The following KANK1 variants were observed in gnomAD, a reference collection of about 807,000 sequenced individuals.
KANK1 encodes KN motif and ankyrin repeat domain-containing protein 1.
In KANK1, 109 loss-of-function variants were observed where a neutral mutation model predicts 106.2. The observed-to-expected ratio is 1.03, with a 90% CI of 0.88 to 1.20. The LOEUF is 1.20. KANK1 is among the 50% of genes most tolerant of loss of function. The pLI is 0.00. For missense variants in KANK1, 2,399 were observed against 1,710.7 expected (o/e 1.40, Z -7.10); for synonymous variants, 873 against 652.2 (o/e 1.34, Z -5.16).
Position 532,237 on chromosome 9 carries a change from C to CTT in KANK1, c.-84+27503_-84+27504dup, listed in dbSNP as rs34351693. Among the ~76,000 whole-genome samples, 67 of 107,758 alleles carry CTT rather than the reference C, an allele frequency of 6.2e-4. 1 individual carries two copies. The highest frequency in any genetic ancestry group is 1.7e-3 in the African/African-American group (49 of 28,518). 70.7% of individuals were successfully genotyped at this position (107,758 alleles called of 152,430 possible). On this transcript the variant is annotated intron_variant, in intron 1 of 11. Coordinates refer to ENST00000382297, the MANE Select transcript of KANK1 (RefSeq NM_015158.5). ...TTAAAAGGAGTTTGAGAGCATTTGTCTTTTTTTTTTTTTTTTTTTTTGAGA... is the reference window on the plus strand; with the variant it reads ...TTAAAAGGAGTTTGAGAGCATTTGTCTTTTTTTTTTTTTTTTTTTTTTTGAGA...
upstream of KANK1, among the ~76,000 whole-genome samples, chr9:501,621 C>CACACAT (rs2058554469): frequency 6.8e-6 from 1 of 146,036 alleles, no homozygotes; most frequent in African/African-American, 2.7e-5. Context: ...CATACACACA[C>CACACAT]ACACACACAC....
intron 1 of KANK1, among the ~76,000 whole-genome samples, chr9:508,788 G>T (rs2058894255): frequency 6.8e-6 from 1 of 146,198 alleles, no homozygotes; most frequent in Admixed American, 6.6e-5. Flanking sequence ...TCAATTTTTA[G>T]GTTTGAGGGG....
chr9:700,815 AT>A (rs1386215398), intron 2 of KANK1, among the ~76,000 whole-genome samples: 1 of 152,180 alleles, frequency 6.6e-6, no homozygotes, highest in African/African-American at 2.4e-5. Flanking sequence ...GGGTGTAATT[AT>A]TTTTCACAGC....
At chr9:506,655 C>T (rs1411928185) in intron 1 of KANK1, among the ~76,000 whole-genome samples, 3 of 152,162 alleles carry the variant, frequency 2.0e-5, no homozygotes, top group Admixed American at 6.5e-5. Flanking sequence ...ACCAAAAAAC[C>T]ACAGGCAAAT....
At chr9:734,399 C>T (rs1833177499) in intron 6 of KANK1, 3 of 215,112 alleles carry the variant, frequency 1.4e-5, no homozygotes, top group South Asian at 1.6e-4. Context: ...TGCGCAGTGT[C>T]CCACCCCTGT....
At chr9:605,980 G>C (rs903232462) in intron 1 of KANK1, among the ~76,000 whole-genome samples, 1 of 151,668 alleles carries the variant, frequency 6.6e-6, no homozygotes, top group Non-Finnish European at 1.5e-5. Context: ...AATAGGTGGT[G>C]ATTAAACAAG....
At chr9:716,117 A>T (rs1827628580) in intron 3 of KANK1, among the ~76,000 whole-genome samples, 1 of 152,226 alleles carries the variant, frequency 6.6e-6, no homozygotes, top group African/African-American at 2.4e-5. Flanking sequence ...ACCTACCAAA[A>T]AGAGCATATA....
chr9:728,542 G>A lies in KANK1; in HGVS notation c.2699-1509G>A, dbSNP rs76437428. Among the ~76,000 whole-genome samples the A allele has an allele frequency of 6.9e-3, 1,051 of 152,268 alleles. 5 individuals carry two copies. The highest frequency in any genetic ancestry group is 0.011 in the Non-Finnish European group (725 of 68,002). On this transcript the variant is annotated intron_variant, in intron 3 of 11. Transcript: ENST00000382297. ...ATGGCCCTGCAAGGCTGTCTCTTGT[G>A]GGGAATATCTACATTATGTAGTGAA...
At chr9:578,497 C>T (rs1821195044) in intron 1 of KANK1, among the ~76,000 whole-genome samples, 1 of 151,788 alleles carries the variant, frequency 6.6e-6, no homozygotes, top group African/African-American at 2.4e-5. Context: ...GGAGGGGGTG[C>T]AGTCCTCTAT....
intron 1 of KANK1, among the ~76,000 whole-genome samples, chr9:608,034 A>ATTATTATTT (rs550990252): frequency 6.9e-5 from 8 of 115,324 alleles, no homozygotes; most frequent in African/African-American, 3.0e-4. Context: ...TATTATTATT[A>ATTATTATTT]TTTTTTTTTT....
chr9:620,207 G>T (rs1251548887), intron 1 of KANK1, among the ~76,000 whole-genome samples: 1 of 151,258 alleles, frequency 6.6e-6, no homozygotes, highest in African/African-American at 2.5e-5. Context: ...ACTTTGTCAG[G>T]TACACTGGTG....
At chr9:529,451 C>T (rs922012464) in intron 1 of KANK1, among the ~76,000 whole-genome samples, 1 of 151,456 alleles carries the variant, frequency 6.6e-6, no homozygotes, top group African/African-American at 2.4e-5. Context: ...CACTTGCCTT[C>T]GCCTTCCAAA....
chr9:596,428 C>T (rs1304789625), intron 1 of KANK1, among the ~76,000 whole-genome samples: 1 of 151,822 alleles, frequency 6.6e-6, no homozygotes, highest in South Asian at 2.1e-4. Flanking sequence ...GCAACCAAGG[C>T]TGGCTGTCCT....
At position 586,266 on chromosome 9, in the gene KANK1, A is replaced by T. The variant is rs557651315; in HGVS notation, c.-84+81512A>T. Among the ~76,000 whole-genome samples, 3 of 152,340 alleles carry T rather than the reference A, an allele frequency of 2.0e-5. No homozygotes were observed. In the South Asian group the frequency reaches 6.2e-4, roughly 32 times the overall value. ...AGTGAGGATGGAGAATGTTGAGACC[A>T]GTTCTTCATTTTACAGTCAAGGGGA... On this transcript the variant is annotated intron_variant, in intron 1 of 11. Coordinates refer to ENST00000382297, the MANE Select transcript of KANK1 (RefSeq NM_015158.5).
intron 1 of KANK1, among the ~76,000 whole-genome samples, chr9:606,355 G>C (rs545892240): frequency 7.2e-6 from 1 of 139,076 alleles, no homozygotes; most frequent in Non-Finnish European, 1.5e-5. Context: ...TCAGGAATTC[G>C]AGACTAGCCT....
chr9:723,257 T>C (rs1312392742), intron 3 of KANK1, among the ~76,000 whole-genome samples: 1 of 152,100 alleles, frequency 6.6e-6, no homozygotes, highest in African/African-American at 2.4e-5. Flanking sequence ...TGGACCTTGA[T>C]TGGAGAAGCT....
rs1217444773 is a variant in KANK1, at chr9:730,066, A to T, written c.2714A>T (p.Tyr905Phe). ...LGKITGNYLG[Y>F]TCKCGGLQSG... is the part of the protein sequence containing the mutation. The stretch of plus-strand genomic sequence containing the variant: ...TTCCTGATAGGCAATTATTTGGGAT[A>T]TACCTGTAAGTGTGGGGGCCTTCAG... The change falls in exon 4 of 12, where the codon TAT (tyrosine) becomes TTT (phenylalanine). Residue 905 changes from tyrosine (Y) to phenylalanine (F), a missense_variant. Transcript: ENST00000382297. 6.2e-7 allele frequency: 1 copy of T among 1,614,030 alleles called. No individual in the cohort carries two copies. Among genetic ancestry groups the T allele is most frequent in the African/African-American group, 1.3e-5 (1 of 74,934 alleles).
intron 1 of KANK1, among the ~76,000 whole-genome samples, chr9:562,261 C>T (rs1480167564): frequency 2.0e-5 from 3 of 150,870 alleles, no homozygotes; most frequent in Non-Finnish European, 4.4e-5. Flanking sequence ...ACCTTGTTAG[C>T]CAGGATGGTC....
chr9:631,523 C>T (rs964735820), intron 1 of KANK1, among the ~76,000 whole-genome samples: 3 of 128,946 alleles, frequency 2.3e-5, no homozygotes, highest in African/African-American at 1.0e-4. Flanking sequence ...TGCACTGAAA[C>T]ACCCTCTTAG....
Sources: allele counts gnomAD v4.1 joint callset (sites outside exome capture counted in the v4.1 genomes callset), GRCh38; gene constraint gnomAD v4.1.1; transcripts MANE v1.5; gene names NCBI Gene and HGNC (gene_info 2026-07-23, HGNC 2026-07-21).